Variants in TCTN2 observed in about 807,000 individuals in gnomAD.
The protein encoded by TCTN2 is tectonic family member 2.
TCTN2 carries 66 observed loss-of-function variants against 83.4 expected under a neutral mutation model. The ratio of observed to expected loss-of-function variants is 0.79; its 90% CI spans 0.65 to 0.97. The LOEUF is 0.97. Among genes scored for constraint, TCTN2 ranks in the 50% least tolerant of loss-of-function variants. The pLI is 0.00. For missense variants in TCTN2, 794 were observed against 858.1 expected, an observed-to-expected ratio of 0.93 and a Z score of 0.93; for synonymous variants, 301 against 326.7, an observed-to-expected ratio of 0.92 and a Z score of 0.85.
intron 5 of TCTN2, among the ~76,000 whole-genome samples, chr12:123,684,248 G>T (rs1446226166): frequency 6.6e-6 from 1 of 151,926 alleles, no homozygotes; most frequent in Non-Finnish European, 1.5e-5. Flanking sequence ...GTTTCCTTTG[G>T]TTTTTTTGGT....
chr12:123,699,257 C>T (rs7308234), intron 13 of TCTN2, among the ~76,000 whole-genome samples: 54,224 of 151,278 alleles, frequency 0.36, 10,154 homozygotes, highest in African/African-American at 0.41. Context: ...CAGGCTTATG[C>T]GCTCCTCCCA....
At chr12:123,689,991 G>C (rs1258414376) in intron 7 of TCTN2, among the ~76,000 whole-genome samples, 2 of 152,196 alleles carry the variant, frequency 1.3e-5, no homozygotes, top group East Asian at 3.9e-4. Flanking sequence ...GTAGAGACAG[G>C]GTCTTGCTAT....
chr12:123,691,480 T>C (rs1304025098), intron 8 of TCTN2, among the ~76,000 whole-genome samples: 4 of 152,230 alleles, frequency 2.6e-5, no homozygotes, highest in South Asian at 2.1e-4. Flanking sequence ...TGGCAGCACT[T>C]CATTCCTTTT....
chr12:123,700,673 C>T (rs1956162835), intron 14 of TCTN2, among the ~76,000 whole-genome samples: 1 of 152,240 alleles, frequency 6.6e-6, no homozygotes, highest in African/African-American at 2.4e-5. Flanking sequence ...CCCCGTGATC[C>T]ACCTGCCTCG....
At chr12:123,684,475 G>A (rs1955939282) in intron 5 of TCTN2, among the ~76,000 whole-genome samples, 1 of 148,502 alleles carries the variant, frequency 6.7e-6, no homozygotes, top group Non-Finnish European at 1.5e-5. Flanking sequence ...ATCTCGGCCC[G>A]CTGCAACCTC....
At chr12:123,689,731 A>G (rs935684584) in intron 7 of TCTN2, among the ~76,000 whole-genome samples, 6 of 152,138 alleles carry the variant, frequency 3.9e-5, no homozygotes. Flanking sequence ...TTTATTTACC[A>G]TTCTAGAATT....
chr12:123,688,275 G>T (rs1956000911), intron 7 of TCTN2, 98 bp downstream of exon 7: 9 of 1,470,500 alleles, frequency 6.1e-6, no homozygotes, highest in Non-Finnish European at 6.4e-6. Flanking sequence ...CAAGTGCAGT[G>T]CCAGATCTCG....
rs924505872 is a variant in TCTN2 at position 123,696,716 on chromosome 12, A to G, written c.1393+221A>G. The G allele has an allele frequency of 1.0e-5, 6 of 578,166 alleles. No individual in the cohort carries two copies. Among genetic ancestry groups the G allele is most frequent in the African/African-American group, 9.3e-5 (5 of 53,580 alleles). The allele number at this position is 578,166 out of a possible 1,614,324, so 35.8% of individuals were successfully genotyped here. On this transcript the variant is annotated intron_variant, in intron 12 of 17. Transcript: ENST00000303372. ...GTTTGCACCTGAAGTGCTGGTTGCT[A>G]GTAGAAAAGATTGAAATATGAGATT...
chr12:123,696,660 C>T, intron 12 of TCTN2, 165 bp downstream of exon 12: 1 of 695,352 alleles, frequency 1.4e-6, no homozygotes, highest in South Asian at 1.6e-5. Flanking sequence ...TTTCCTGCTT[C>T]TACAGCTTTT....
intron 3 of TCTN2, among the ~76,000 whole-genome samples, chr12:123,673,295 T>C (rs974049629): frequency 1.3e-5 from 2 of 152,204 alleles, no homozygotes; most frequent in Non-Finnish European, 2.9e-5. Flanking sequence ...ACTTTTTTTG[T>C]GTATTTACTC....
At position 123,707,770 on chromosome 12, in the gene TCTN2, G is replaced by A; in HGVS notation, c.*57G>A. 1 of 1,375,754 alleles carries A rather than the reference G, an allele frequency of 7.3e-7. No homozygotes were observed. Among genetic ancestry groups the A allele is most frequent in the East Asian group, 2.3e-5 (1 of 43,794 alleles). The allele number at this position is 1,375,754 out of a possible 1,614,324, so 85.2% of individuals were successfully genotyped here. ...GAGTTTTGCTCTTGTTGCCCAGGCT[G>A]AAGTGATCTCGGCTCACCACAACCT... On this transcript the variant is annotated 3_prime_UTR_variant, in exon 18 of 18. Coordinates refer to ENST00000303372, the MANE Select transcript of TCTN2 (RefSeq NM_024809.5).
At chr12:123,684,590 G>A (rs1454081707) in intron 5 of TCTN2, among the ~76,000 whole-genome samples, 1 of 151,644 alleles carries the variant, frequency 6.6e-6, no homozygotes, top group Non-Finnish European at 1.5e-5. Context: ...CAGTAGAGAC[G>A]AGTTTTGCCA....
chr12:123,681,615 A>C (rs1219722360), intron 5 of TCTN2, among the ~76,000 whole-genome samples: 1 of 152,212 alleles, frequency 6.6e-6, no homozygotes, highest in African/African-American at 2.4e-5. Context: ...TTGTATGGAT[A>C]TATCACATAT....
chr12:123,690,538 C>T lies in TCTN2; in HGVS notation c.897C>T (p.Ser299=), dbSNP rs573641118. 1 of 1,614,134 alleles carries T rather than the reference C, an allele frequency of 6.2e-7. No individual in the cohort carries two copies. The highest frequency in any genetic ancestry group is 1.3e-5 in the African/African-American group (1 of 75,030). ...GCTTTGCCCTTCTCCCTCAGGTGTC[C>T]CTGGCTGGGCAGTGTATGCAGAACG... ...KKAYFTIPQV[S]LAGQCMQNAP... is the part of the protein sequence containing the mutation. Residue 299 remains serine, a synonymous_variant, in exon 8 of 18, where the codon TCC becomes TCT. Coordinates refer to ENST00000303372, the MANE Select transcript of TCTN2 (RefSeq NM_024809.5).
At position 123,707,525 on chromosome 12, in the gene TCTN2, A is replaced by G. The variant is rs185387475; in HGVS notation, c.1985-79A>G. 5.8e-4 allele frequency: 800 copies of G among 1,377,682 alleles called. 2 individuals carry two copies. The African/African-American group carries it at 9.1e-3, about 16-fold the overall frequency. 85.3% of individuals were successfully genotyped at this position (1,377,682 alleles called of 1,614,324 possible). On this transcript the variant is annotated intron_variant, in intron 17 of 17. Transcript: ENST00000303372. Reference sequence around the variant, plus strand: ...AGTGTTAGGATTACAGGAGTGAGCCACCACACCCAGCCTATACCTACACTG... The same window carrying G: ...AGTGTTAGGATTACAGGAGTGAGCCGCCACACCCAGCCTATACCTACACTG...
Position 123,671,214 on chromosome 12 carries a change from C to T in TCTN2, c.-27C>T, listed in dbSNP as rs765717805. ...GGGTTCTAATGAGGGCGCGGTTCTG[C>T]TGTGCCCGGCCCGCGAGGTCTAAGG... On this transcript the variant is annotated 5_prime_UTR_variant, in exon 1 of 18. Transcript: ENST00000303372. The T allele has an allele frequency of 9.4e-6, 15 of 1,602,642 alleles. No homozygotes were observed. The South Asian group carries it at 1.2e-4, about 13-fold the overall frequency.
At chr12:123,687,608 C>T (rs1309324148) in intron 6 of TCTN2, among the ~76,000 whole-genome samples, 5 of 151,928 alleles carry the variant, frequency 3.3e-5, no homozygotes, top group African/African-American at 1.2e-4. Context: ...GCTGAGATCG[C>T]GCCACTGCAC....
intron 4 of TCTN2, among the ~76,000 whole-genome samples, chr12:123,675,603 C>T (rs970641594): frequency 4.6e-5 from 7 of 152,148 alleles, no homozygotes; most frequent in Non-Finnish European, 8.8e-5. Flanking sequence ...CATGGAAAGG[C>T]CTCCATGATG....
In TCTN2 at chr12:123,694,930, A is replaced by C; in HGVS notation, c.1188A>C (p.Glu396Asp). The C allele has an allele frequency of 6.2e-7, 1 of 1,613,692 alleles. No individual in the cohort carries two copies. Among genetic ancestry groups the C allele is most frequent in the Non-Finnish European group, 8.5e-7 (1 of 1,179,626 alleles). The change falls in exon 10 of 18, where the codon GAA becomes GAC. Residue 396 changes from glutamate to aspartate, a missense_variant. Physicochemically the swap from Glu to Asp is conservative, Grantham distance 45 (BLOSUM62 2). Coordinates refer to ENST00000303372, the MANE Select transcript of TCTN2 (RefSeq NM_024809.5). ...IFKWNNNTIS[E>D]INVKIFRAEI... ...AATGGAATAATAATACCATCAGTGA[A>C]ATAAATGTTAAAATTTTTAGGGCAG... is the stretch of plus-strand genomic sequence containing the variant.
Sources: allele counts gnomAD v4.1 joint callset (sites outside exome capture counted in the v4.1 genomes callset), GRCh38; gene constraint gnomAD v4.1.1; transcripts MANE v1.5; gene names NCBI Gene and HGNC (gene_info 2026-07-23, HGNC 2026-07-21).